UTRN: variants seen among roughly 807,000 people sequenced by gnomAD.
UTRN encodes utrophin.
A neutral mutation model predicts 463.9 loss-of-function variants in UTRN; 283 were observed. The ratio of observed to expected loss-of-function variants is 0.61; its 90% CI spans 0.55 to 0.67. The LOEUF is 0.67. Among genes scored for constraint, UTRN ranks in the 30% least tolerant of loss-of-function variants. The pLI is 0.00. For synonymous variants in UTRN, 1,442 were observed against 1,431.5 expected, an observed-to-expected ratio of 1.01 and a Z score of -0.17; for missense variants, 3,922 against 4,084.3, an observed-to-expected ratio of 0.96 and a Z score of 1.08.
chr6:144,754,778 C>CCTCTCAGCATTTTCTCT lies in UTRN; in HGVS notation c.8417_8433dup (p.Thr2812LeufsTer40). ...GAAGCCCACAGAGATTTTGGACCAT[C>CCTCTCAGCATTTTCTCT]CTCTCAGCATTTTCTCTCTAGTAAG... On this transcript the variant is annotated frameshift_variant, in exon 57 of 75. Coordinates refer to ENST00000367545, the MANE Select transcript of UTRN (RefSeq NM_007124.3). LOFTEE classifies it high-confidence loss of function. The CCTCTCAGCATTTTCTCT allele has an allele frequency of 6.2e-7, 1 of 1,613,528 alleles. No individual in the cohort carries two copies.
At chr6:144,651,549 T>C (rs907306728) in intron 51 of UTRN, among the ~76,000 whole-genome samples, 2 of 152,224 alleles carry the variant, frequency 1.3e-5, no homozygotes, top group African/African-American at 2.4e-5. Context: ...CAGGATGAAA[T>C]AATACAGATA....
At chr6:144,386,282 C>T (rs777335914) in intron 2 of UTRN, among the ~76,000 whole-genome samples, 8 of 151,976 alleles carry the variant, frequency 5.3e-5, no homozygotes, top group Non-Finnish European at 8.8e-5. Context: ...GGCAACATGG[C>T]GAAACCTCGT....
rs1803672466 is a variant in UTRN at position 144,286,506 on chromosome 6, G to C, written c.-93+685G>C. Among the ~76,000 whole-genome samples, 6 of 152,174 alleles carry C rather than the reference G, an allele frequency of 3.9e-5. No individual in the cohort carries two copies. The highest frequency in any genetic ancestry group is 2.6e-4 in the Admixed American group (4 of 15,278). On this transcript the variant is annotated intron_variant, in intron 1 of 74. Transcript: ENST00000367545. This position sits in a 1 kb window ranked among gnomAD's most constrained non-coding sequence, Gnocchi z 4.4. ...GAGGAGGGGGGCGCCCCATTGGTGT[G>C]TAGTCCCGCGCAGTCGCCGGCTCTC...
intron 51 of UTRN, among the ~76,000 whole-genome samples, chr6:144,585,886 T>C (rs1802419072): frequency 6.6e-6 from 1 of 152,144 alleles, no homozygotes; most frequent in Non-Finnish European, 1.5e-5. Flanking sequence ...AAACAGTCTA[T>C]TGTAAATACA....
Position 144,748,488 on chromosome 6 carries a change from C to G in UTRN, c.8182C>G (p.Leu2728Val). The G allele has an allele frequency of 6.2e-7, 1 of 1,613,390 alleles. No homozygotes were observed. The highest frequency in any genetic ancestry group is 8.5e-7 in the Non-Finnish European group (1 of 1,179,708). ...CGTGGGAGACTTACTCATTGACTCG[C>G]TGCAGGATCACATTGAAAAAATCAT... ...KPVGDLLIDS[L>V]QDHIEKIMAF... The change falls in exon 55 of 75, where the codon CTG becomes GTG. Residue 2728 changes from leucine to valine, a missense_variant. Physicochemically the swap from Leu to Val is conservative, Grantham distance 32. Coordinates refer to ENST00000367545, the MANE Select transcript of UTRN (RefSeq NM_007124.3).
At chr6:144,452,826 C>T (rs1417256585) in intron 18 of UTRN, among the ~76,000 whole-genome samples, 19 of 150,622 alleles carry the variant, frequency 1.3e-4, no homozygotes, top group Non-Finnish European at 1.5e-5. Flanking sequence ...CTTGTAACTC[C>T]AACTACTCGG....
At chr6:144,400,428 G>A (rs962837856) in intron 2 of UTRN, among the ~76,000 whole-genome samples, 7 of 152,118 alleles carry the variant, frequency 4.6e-5, no homozygotes, top group Non-Finnish European at 8.8e-5. Flanking sequence ...TAGTTGTCCT[G>A]TTACTCGTCT....
At chr6:144,556,686 C>A (rs1799414419) in intron 49 of UTRN, among the ~76,000 whole-genome samples, 1 of 152,156 alleles carries the variant, frequency 6.6e-6, no homozygotes, top group Non-Finnish European at 1.5e-5. Context: ...CCTTGCTTGG[C>A]AGCTTGATCC....
intron 2 of UTRN, among the ~76,000 whole-genome samples, chr6:144,388,542 A>C (rs1781619776): frequency 6.8e-6 from 1 of 147,076 alleles, no homozygotes; most frequent in Non-Finnish European, 1.5e-5. Context: ...CACTCACCCA[A>C]ACTGGAGTGC....
intron 74 of UTRN, among the ~76,000 whole-genome samples, chr6:144,847,598 C>G (rs999638461): frequency 1.6e-4 from 25 of 152,092 alleles, no homozygotes; most frequent in African/African-American, 5.8e-4. Context: ...ACATTTTTCT[C>G]AGGGTGGGAG....
At chr6:144,595,834 G>A (rs1803586318) in intron 51 of UTRN, among the ~76,000 whole-genome samples, 1 of 152,148 alleles carries the variant, frequency 6.6e-6, no homozygotes, top group African/African-American at 2.4e-5. Flanking sequence ...TTTTGAGAGT[G>A]TGATTTTGAT....
intron 33 of UTRN, among the ~76,000 whole-genome samples, chr6:144,494,268 T>G (rs1196777363): frequency 6.6e-6 from 1 of 152,104 alleles, no homozygotes; most frequent in Admixed American, 6.6e-5. Flanking sequence ...TTCTTCCTTC[T>G]GGTGGGTTCA....
rs183404358 is a variant in UTRN, at chr6:144,354,521, T to C, written c.80-48602T>C. ...AAAGCCCCTTTCTCTGGCTGGGTAG[T>C]GGCCCGAGTTAGGCAGTTTCCAGTG... On this transcript the variant is annotated intron_variant, in intron 2 of 74. Transcript: ENST00000367545. Among the ~76,000 whole-genome samples, 183 of 152,352 alleles carry C rather than the reference T, an allele frequency of 1.2e-3. 3 individuals carry two copies. Among genetic ancestry groups the C allele is most frequent in the Middle Eastern group, 3.4e-3 (1 of 294 alleles).
chr6:144,349,663 CTG>C (rs886985271), intron 2 of UTRN, among the ~76,000 whole-genome samples: 2 of 152,134 alleles, frequency 1.3e-5, no homozygotes, highest in African/African-American at 2.4e-5. Flanking sequence ...TAAGCTGAAG[CTG>C]TGCACTCCAT....
At chr6:144,305,376 A>G (rs892455609) in intron 2 of UTRN, among the ~76,000 whole-genome samples, 1 of 152,238 alleles carries the variant, frequency 6.6e-6, no homozygotes, top group Non-Finnish European at 1.5e-5. Context: ...AATTATAAAC[A>G]CTAGATTTCT....
chr6:144,534,964 A>G (rs1797399565), intron 43 of UTRN, among the ~76,000 whole-genome samples: 1 of 152,232 alleles, frequency 6.6e-6, no homozygotes, highest in South Asian at 2.1e-4. Flanking sequence ...AAGGATTGAA[A>G]GGAGAGGAGG....
intron 2 of UTRN, among the ~76,000 whole-genome samples, chr6:144,375,065 CT>C (rs1191617280): frequency 2.0e-5 from 3 of 151,766 alleles, no homozygotes; most frequent in Non-Finnish European, 4.4e-5. Context: ...GTTTTTACTT[CT>C]TTTGGGCAGT....
At chr6:144,496,655 C>T (rs979041486) in intron 33 of UTRN, among the ~76,000 whole-genome samples, 2 of 152,210 alleles carry the variant, frequency 1.3e-5, no homozygotes, top group Admixed American at 6.5e-5. Flanking sequence ...TAAATTATCT[C>T]GTTGTCTAAT....
intron 12 of UTRN, 38 bp downstream of exon 12, chr6:144,438,933 T>C (rs765822319): frequency 6.2e-7 from 1 of 1,606,014 alleles, no homozygotes; most frequent in Non-Finnish European, 8.5e-7. Context: ...CCTTATCAAA[T>C]ATGAAAGAGC....
Sources: allele counts gnomAD v4.1 joint callset (sites outside exome capture counted in the v4.1 genomes callset), GRCh38; gene constraint gnomAD v4.1.1; non-coding constraint Gnocchi (gnomAD v3.1); transcripts MANE v1.5; gene names NCBI Gene and HGNC (gene_info 2026-07-23, HGNC 2026-07-21).